Variants in HHIP observed in about 807,000 individuals in gnomAD.
HHIP encodes hedgehog-interacting protein.
HHIP carries 12 observed loss-of-function variants against 74.0 expected under a neutral mutation model. That is an observed-to-expected ratio of 0.16 (90% CI 0.10 to 0.26). The LOEUF (loss-of-function observed/expected upper bound fraction) is 0.26. Among genes scored for constraint, HHIP ranks in the 10% least tolerant of loss-of-function variants. The pLI, the probability that HHIP is intolerant of heterozygous loss-of-function variation, is 1.00. For missense variants in HHIP, 788 were observed against 845.0 expected (o/e 0.93, Z 0.84); for synonymous variants, 309 against 311.6 (o/e 0.99, Z 0.09).
At chr4:144,683,274 G>A (rs1422427674) in intron 4 of HHIP, among the ~76,000 whole-genome samples, 2 of 152,124 alleles carry the variant, frequency 1.3e-5, no homozygotes, top group Non-Finnish European at 2.9e-5. Flanking sequence ...CCTCACTTGA[G>A]ATAAACACAG....
chr4:144,693,805 C>T (rs926016796), intron 4 of HHIP, among the ~76,000 whole-genome samples: 16 of 151,740 alleles, frequency 1.1e-4, no homozygotes, highest in Admixed American at 5.3e-4. Flanking sequence ...TAAATTGTCA[C>T]ATAATTTAAT....
chr4:144,672,515 T>C (rs1729067149), intron 4 of HHIP, among the ~76,000 whole-genome samples: 1 of 151,674 alleles, frequency 6.6e-6, no homozygotes, highest in Non-Finnish European at 1.5e-5. Flanking sequence ...GGAGAGTAGT[T>C]GTAGGAGATG....
In HHIP at chr4:144,659,802, T is replaced by C. The variant is rs1728661770; in HGVS notation, c.795T>C (p.Tyr265=). The part of the protein sequence containing the change: ...TPEGEIFKEP[Y]LDIHKLVQSG... ...AAGGAGAAATTTTCAAGGAGCCTTA[T>C]TTGGACATTCACAAACTTGTTCAAA... The change falls in exon 4 of 13, where the codon TAT becomes TAC. Residue 265 remains tyrosine (Y), a synonymous_variant. Transcript: ENST00000296575. The C allele has an allele frequency of 6.2e-7, 1 of 1,611,704 alleles. No individual in the cohort carries two copies. The highest frequency in any genetic ancestry group is 8.5e-7 in the Non-Finnish European group (1 of 1,179,346).
intron 10 of HHIP, 146 bp from the exon 11 acceptor site, chr4:144,718,729 A>G (rs1429112429): frequency 3.0e-6 from 2 of 661,856 alleles, no homozygotes; most frequent in African/African-American, 1.8e-5. Flanking sequence ...AAAGGCAGAC[A>G]TGTGAGACTC....
chr4:144,657,015 C>T (rs2126584723), intron 2 of HHIP, among the ~76,000 whole-genome samples: 1 of 152,216 alleles, frequency 6.6e-6, no homozygotes, highest in Non-Finnish European at 1.5e-5. Context: ...TGCATGTACA[C>T]ACACATACAC....
At position 144,646,505 on chromosome 4, in the gene HHIP, T is replaced by G; in HGVS notation, c.-171T>G. The G allele has an allele frequency of 1.6e-6, 1 of 621,814 alleles. No homozygotes were observed. Among genetic ancestry groups the G allele is most frequent in the East Asian group, 2.7e-5 (1 of 36,508 alleles). 38.5% of individuals were successfully genotyped at this position (621,814 alleles called of 1,614,324 possible). Reference sequence around the variant, plus strand: ...TGGACCCATCGCCGCGTCTTTTATTTTTTGCAAAGTTGCATCGCTGTACAT... The same window carrying G: ...TGGACCCATCGCCGCGTCTTTTATTGTTTGCAAAGTTGCATCGCTGTACAT... On this transcript the variant is annotated 5_prime_UTR_variant, in exon 1 of 13. Coordinates refer to ENST00000296575, the MANE Select transcript of HHIP (RefSeq NM_022475.3).
chr4:144,671,709 C>T (rs1298656252), intron 4 of HHIP, among the ~76,000 whole-genome samples: 1 of 151,956 alleles, frequency 6.6e-6, no homozygotes, highest in African/African-American at 2.4e-5. Flanking sequence ...TAAATAATAC[C>T]TTGGGTCAGC....
intron 2 of HHIP, among the ~76,000 whole-genome samples, chr4:144,653,205 C>G (rs964572465): frequency 1.3e-5 from 2 of 152,122 alleles, no homozygotes; most frequent in Non-Finnish European, 2.9e-5. Context: ...AGTCCACTGA[C>G]TTGTAAGATA....
intron 11 of HHIP, among the ~76,000 whole-genome samples, chr4:144,726,412 G>A (rs1730808640): frequency 6.6e-6 from 1 of 152,056 alleles, no homozygotes; most frequent in Admixed American, 6.6e-5. Context: ...ATCCCCTAAG[G>A]AGTTTATTTT....
rs1484233370 is a variant in HHIP at position 144,744,452 on chromosome 4, A to G, written c.*6495A>G. 3 of 152,190 alleles carry G rather than the reference A, an allele frequency of 2.0e-5. No homozygotes were observed. Among genetic ancestry groups the G allele is most frequent in the African/African-American group, 7.2e-5 (3 of 41,450 alleles). The allele number at this position is 152,190 out of a possible 1,614,324, so 9.4% of individuals were successfully genotyped here. ...TTACTCGCAGGAGACACCAGACCCA[A>G]CCCATGCTTAGATTTCTGTTAATAA... On this transcript the variant is annotated 3_prime_UTR_variant, in exon 13 of 13. Transcript: ENST00000296575.
At chr4:144,727,969 A>G (rs1424770409) in intron 11 of HHIP, among the ~76,000 whole-genome samples, 1 of 152,204 alleles carries the variant, frequency 6.6e-6, no homozygotes, top group African/African-American at 2.4e-5. Context: ...CTCTTCATAC[A>G]CTTTCTGATC....
chr4:144,728,537 A>G (rs1681247545), intron 11 of HHIP, among the ~76,000 whole-genome samples: 1 of 152,212 alleles, frequency 6.6e-6, no homozygotes, highest in Admixed American at 6.5e-5. Flanking sequence ...CCTTGAATTC[A>G]AAGGTTTTTT....
Position 144,737,772 on chromosome 4 carries a change from G to C in HHIP, c.1918G>C (p.Glu640Gln). 1 of 1,602,984 alleles carries C rather than the reference G, an allele frequency of 6.2e-7. No homozygotes were observed. Among genetic ancestry groups the C allele is most frequent in the Non-Finnish European group, 8.5e-7 (1 of 1,173,648 alleles). The change falls in exon 13 of 13, where the codon GAG (glutamate) becomes CAG (glutamine). Residue 640 changes from glutamate to glutamine, a missense_variant. Glu to Gln is a conservative substitution (Grantham distance 29). Coordinates refer to ENST00000296575, the MANE Select transcript of HHIP (RefSeq NM_022475.3). ...EGDFCRTAKC[E>Q]PACRHGGVCV... Reference sequence around the variant, plus strand: ...CTCTTTTTCTCTCCCAGCAAAATGTGAGCCAGCATGTCGTCATGGAGGTGT... The same window carrying C: ...CTCTTTTTCTCTCCCAGCAAAATGTCAGCCAGCATGTCGTCATGGAGGTGT...
intron 2 of HHIP, among the ~76,000 whole-genome samples, chr4:144,654,260 T>A (rs148171516): frequency 1.6e-4 from 25 of 152,178 alleles, no homozygotes; most frequent in Non-Finnish European, 2.6e-4. Context: ...GAGCCAGAAC[T>A]GCAAGCACCT....
chr4:144,690,598 A>C (rs1284767715), intron 4 of HHIP, among the ~76,000 whole-genome samples: 3 of 152,350 alleles, frequency 2.0e-5, no homozygotes, highest in African/African-American at 7.2e-5. Context: ...AGCTGGAAAG[A>C]CACGAACATG....
intron 11 of HHIP, among the ~76,000 whole-genome samples, chr4:144,721,730 C>T (rs926022935): frequency 1.6e-4 from 25 of 151,746 alleles, no homozygotes; most frequent in South Asian, 2.1e-4. Flanking sequence ...GTAAAAACTC[C>T]GTCTCTAGTA....
intron 4 of HHIP, among the ~76,000 whole-genome samples, chr4:144,682,519 G>A (rs942097443): frequency 1.3e-5 from 2 of 152,128 alleles, no homozygotes; most frequent in African/African-American, 4.8e-5. Flanking sequence ...CTGTAAACTT[G>A]AAACTTCTCT....
At chr4:144,647,128 C>A in intron 1 of HHIP, 174 bp downstream of exon 1, 1 of 559,290 alleles carries the variant, frequency 1.8e-6, no homozygotes. Context: ...CTGGGGTAAG[C>A]AAGTAGCATT....
chr4:144,691,868 T>C (rs999727730), intron 4 of HHIP, among the ~76,000 whole-genome samples: 6 of 152,014 alleles, frequency 3.9e-5, no homozygotes, highest in African/African-American at 1.4e-4. Flanking sequence ...TATCCAATTA[T>C]AGTTTTCCAC....
Sources: gnomAD v4.1 joint callset for allele counts (sites outside exome capture counted in the v4.1 genomes callset) on GRCh38, gnomAD v4.1.1 for gene constraint, MANE v1.5 for transcripts, NCBI Gene and HGNC (gene_info 2026-07-23, HGNC 2026-07-21) for gene names.